DDX10: variants seen among roughly 807,000 people sequenced by gnomAD.
DDX10 encodes the protein probable ATP-dependent RNA helicase DDX10.
A neutral mutation model predicts 104.3 loss-of-function variants in DDX10; 74 were observed. The ratio of observed to expected loss-of-function variants is 0.71; its 90% CI spans 0.59 to 0.86. DDX10 has a LOEUF of 0.86. DDX10 is among the 40% of genes least tolerant of loss of function. The pLI is 0.00. For synonymous variants in DDX10, 351 were observed against 353.4 expected, an observed-to-expected ratio of 0.99 and a Z score of 0.08; for missense variants, 952 against 1,040.0, an observed-to-expected ratio of 0.92 and a Z score of 1.16.
At chr11:108,708,979 A>G (rs935533556) in intron 10 of DDX10, among the ~76,000 whole-genome samples, 6 of 152,212 alleles carry the variant, frequency 3.9e-5, no homozygotes, top group Non-Finnish European at 7.3e-5. Context: ...TTATTAGTCT[A>G]GAAGTTTCTT....
intron 7 of DDX10, among the ~76,000 whole-genome samples, chr11:108,690,050 TAA>T (rs202225894): frequency 4.6e-4 from 66 of 145,012 alleles, no homozygotes; most frequent in East Asian, 1.2e-3. Flanking sequence ...ACCCTGTCTT[TAA>T]AAAAAAAAAA....
chr11:108,788,817 C>T, intron 13 of DDX10, among the ~76,000 whole-genome samples: 1 of 152,146 alleles, frequency 6.6e-6, no homozygotes, highest in Non-Finnish European at 1.5e-5. Flanking sequence ...TACTTTGGTT[C>T]TTTTGTATTT....
intron 13 of DDX10, among the ~76,000 whole-genome samples, chr11:108,785,218 C>T (rs950488589): frequency 2.6e-5 from 4 of 152,048 alleles, no homozygotes; most frequent in Non-Finnish European, 4.4e-5. Flanking sequence ...GTTTACATGG[C>T]GAATCACATT....
chr11:108,901,862 ATATCT>A (rs1863520784), intron 16 of DDX10, among the ~76,000 whole-genome samples: 1 of 152,218 alleles, frequency 6.6e-6, no homozygotes, highest in Non-Finnish European at 1.5e-5. Flanking sequence ...AATGTATTAA[ATATCT>A]TAAAATATAC....
In DDX10 at chr11:108,696,419, C is replaced by A. The variant is rs921090412; in HGVS notation, c.1223+2819C>A. Reference sequence around the variant, plus strand: ...TTTGAACTCCTGACCTCAAGTGATCCGCCCGCCTCAGCCTCCCAAAGTGTT... The same window carrying A: ...TTTGAACTCCTGACCTCAAGTGATCAGCCCGCCTCAGCCTCCCAAAGTGTT... On this transcript the variant is annotated intron_variant, in intron 9 of 17. Transcript: ENST00000322536. Among the ~76,000 whole-genome samples, 7 of 152,122 alleles carry A rather than the reference C, an allele frequency of 4.6e-5. No homozygotes were observed. The East Asian group carries it at 1.2e-3, about 25-fold the overall frequency.
intron 16 of DDX10, among the ~76,000 whole-genome samples, chr11:108,902,117 C>T (rs1165359335): frequency 6.6e-6 from 1 of 152,098 alleles, no homozygotes; most frequent in African/African-American, 2.4e-5. Context: ...CTCACATGAC[C>T]AGTTTTCATG....
chr11:108,773,109 CT>C (rs1476462164), intron 13 of DDX10, among the ~76,000 whole-genome samples: 1 of 152,154 alleles, frequency 6.6e-6, no homozygotes, highest in African/African-American at 2.4e-5. Context: ...TCACTGCCAA[CT>C]CAGATATAAA....
rs755630047 is a variant in DDX10 at position 108,706,876 on chromosome 11, G to A, written c.1322+39G>A. 391 of 1,544,400 alleles carry A rather than the reference G, an allele frequency of 2.5e-4. 1 individual carries two copies. The highest frequency in any genetic ancestry group is 1.1e-4 in the Non-Finnish European group (121 of 1,117,838). On this transcript the variant is annotated intron_variant, in intron 10 of 17. Coordinates refer to ENST00000322536, the MANE Select transcript of DDX10 (RefSeq NM_004398.4). Reference sequence around the variant, plus strand: ...GTTGTCTTTATGTTTTTAGGAAAATGAGGGCATGAAATTGTTTGCTTAATT... The same window carrying A: ...GTTGTCTTTATGTTTTTAGGAAAATAAGGGCATGAAATTGTTTGCTTAATT...
chr11:108,808,417 G>A (rs1395818181), intron 13 of DDX10, among the ~76,000 whole-genome samples: 1 of 151,948 alleles, frequency 6.6e-6, no homozygotes, highest in Non-Finnish European at 1.5e-5. Flanking sequence ...GTTTATGTTA[G>A]AATAATACCT....
At chr11:108,757,272 G>A (rs1280057278) in intron 13 of DDX10, among the ~76,000 whole-genome samples, 2 of 151,964 alleles carry the variant, frequency 1.3e-5, no homozygotes, top group African/African-American at 2.4e-5. Context: ...CAAAGTTTCC[G>A]ACTTACAAAA....
At chr11:108,741,676 T>A (rs2615739) in intron 13 of DDX10, among the ~76,000 whole-genome samples, 18,697 of 152,150 alleles carry the variant, frequency 0.12, 1,553 homozygotes, top group East Asian at 0.27. Context: ...TTGTTGAAGT[T>A]TATCAGATCA....
At chr11:108,936,133 C>A (rs1864034213) in intron 17 of DDX10, among the ~76,000 whole-genome samples, 1 of 152,134 alleles carries the variant, frequency 6.6e-6, no homozygotes, top group African/African-American at 2.4e-5. Flanking sequence ...GACACAGGGA[C>A]CCTAAGTTGG....
At chr11:108,889,781 A>G (rs1863350346) in intron 16 of DDX10, among the ~76,000 whole-genome samples, 1 of 152,230 alleles carries the variant, frequency 6.6e-6, no homozygotes, top group African/African-American at 2.4e-5. Context: ...CAAGAATGAA[A>G]AACAAGCATG....
At chr11:108,774,727 G>A (rs535576450) in intron 13 of DDX10, among the ~76,000 whole-genome samples, 1 of 152,226 alleles carries the variant, frequency 6.6e-6, no homozygotes, top group South Asian at 2.1e-4. Flanking sequence ...CTTTTCAGCT[G>A]TATTTTTTAT....
intron 13 of DDX10, among the ~76,000 whole-genome samples, chr11:108,828,764 C>T (rs935327338): frequency 6.6e-6 from 1 of 152,192 alleles, no homozygotes; most frequent in African/African-American, 2.4e-5. Flanking sequence ...GCTGGGACTA[C>T]AGGTGCCTGT....
intron 10 of DDX10, among the ~76,000 whole-genome samples, chr11:108,708,877 T>A (rs2094280337): frequency 6.6e-6 from 1 of 152,190 alleles, no homozygotes; most frequent in Non-Finnish European, 1.5e-5. Flanking sequence ...GTGGGTTTTG[T>A]GGTGATGTTC....
intron 16 of DDX10, among the ~76,000 whole-genome samples, chr11:108,916,966 G>A (rs1309547380): frequency 6.6e-6 from 1 of 151,496 alleles, no homozygotes; most frequent in Non-Finnish European, 1.5e-5. Flanking sequence ...CCATTTCTTG[G>A]TGTTCCTCCC....
intron 16 of DDX10, among the ~76,000 whole-genome samples, chr11:108,853,114 A>C (rs1280419648): frequency 6.6e-6 from 1 of 152,172 alleles, no homozygotes; most frequent in Admixed American, 6.5e-5. Context: ...ATTAAATATA[A>C]GCAGTATTAA....
intron 2 of DDX10, 86 bp downstream of exon 2, chr11:108,673,613 A>C: frequency 9.5e-7 from 1 of 1,048,504 alleles, no homozygotes. Context: ...TTTAGCCTGA[A>C]AAATCTTATT....
Sources: gnomAD v4.1 joint callset for allele counts (sites outside exome capture counted in the v4.1 genomes callset) on GRCh38, gnomAD v4.1.1 for gene constraint, MANE v1.5 for transcripts, NCBI Gene and HGNC (gene_info 2026-07-23, HGNC 2026-07-21) for gene names.